SLC38A10: variants seen among roughly 807,000 people sequenced by gnomAD.
SLC38A10 encodes solute carrier family 38 member 10, also known as Sodium-coupled neutral amino acid transporter 10.
SLC38A10 carries 53 observed loss-of-function variants against 81.0 expected under a neutral mutation model. The observed-to-expected ratio is 0.65, with a 90% confidence interval of 0.53 to 0.82. SLC38A10 has a LOEUF of 0.82. Among genes scored for constraint, SLC38A10 ranks in the 40% least tolerant of loss-of-function variants. SLC38A10 has a pLI of 0.00. For missense variants in SLC38A10, 1,471 were observed against 1,545.0 expected, an observed-to-expected ratio of 0.95 and a Z score of 0.80; for synonymous variants, 665 against 655.3, an observed-to-expected ratio of 1.01 and a Z score of -0.23.
intron 14 of SLC38A10, chr17:81,251,081 A>G (rs2062906167): frequency 2.0e-6 from 3 of 1,478,752 alleles, no homozygotes; most frequent in Non-Finnish European, 2.7e-6. Context: ...CAGCCTTAAA[A>G]TAAACCTCCA....
At chr17:81,273,611 G>A (rs1474505558) in intron 8 of SLC38A10, among the ~76,000 whole-genome samples, 2 of 152,194 alleles carry the variant, frequency 1.3e-5, no homozygotes, top group African/African-American at 4.8e-5. Context: ...GGAAGACGGA[G>A]CCAGAAGTTC....
At chr17:81,282,154 C>G (rs1567945322) in intron 5 of SLC38A10, 35 bp downstream of exon 5, 6 of 1,609,422 alleles carry the variant, frequency 3.7e-6, no homozygotes, top group Non-Finnish European at 4.2e-6. Context: ...CAGGAGCAGC[C>G]TTTCAGCGGG....
chr17:81,251,302 G>A, intron 14 of SLC38A10, 191 bp downstream of exon 14: 2 of 1,612,964 alleles, frequency 1.2e-6, no homozygotes, highest in Non-Finnish European at 1.7e-6. Flanking sequence ...CAGATAAAAG[G>A]TTCCCAGAAA....
At chr17:81,257,672 G>A (rs1013102597) in intron 11 of SLC38A10, among the ~76,000 whole-genome samples, 5 of 152,326 alleles carry the variant, frequency 3.3e-5, no homozygotes, top group African/African-American at 4.8e-5. Flanking sequence ...CTCTGCCCCC[G>A]CACCAACACA....
At chr17:81,257,209 T>G (rs139923608) in intron 11 of SLC38A10, among the ~76,000 whole-genome samples, 1 of 152,098 alleles carries the variant, frequency 6.6e-6, no homozygotes, top group African/African-American at 2.4e-5. Flanking sequence ...AGCCCTGACC[T>G]TCCAGGCTCA....
chr17:81,283,363 C>A lies in SLC38A10; in HGVS notation c.357+46G>T. On this transcript the variant is annotated intron_variant, in intron 4 of 15. Coordinates refer to ENST00000374759, the MANE Select transcript of SLC38A10 (RefSeq NM_001037984.3). This position sits in a 1 kb window ranked among gnomAD's most constrained non-coding sequence, Gnocchi z 4.7. ...GAGGATCCCACAGAGGGCCTCAGAG[C>A]AGCCGTCAGCATCTGAACAACCCAG... The A allele has an allele frequency of 6.5e-7, 1 of 1,549,820 alleles. No homozygotes were observed. The highest frequency in any genetic ancestry group is 8.8e-7 in the Non-Finnish European group (1 of 1,130,844).
At chr17:81,263,660 T>C (rs1211296697) in intron 10 of SLC38A10, 1 of 152,350 alleles carries the variant, frequency 6.6e-6, no homozygotes, top group African/African-American at 2.4e-5. Flanking sequence ...ACAGTCCACA[T>C]GCCCAGGCTT....
chr17:81,245,637 G>C lies in SLC38A10; in HGVS notation c.3279C>G (p.Leu1093=). 1 of 1,612,304 alleles carries C rather than the reference G, an allele frequency of 6.2e-7. No homozygotes were observed. Residue 1093 remains leucine (L), a synonymous_variant, in exon 16 of 16, where the codon CTC becomes CTG. Transcript: ENST00000374759. ...GCAGAGCTCCCCCCGCAGCCTGGCG[G>C]AGCTGGGCATCCAGGGCGCCACGGA... ...NDLRGALDAQ[L]RQAAGGALQV... is the part of the protein sequence containing the mutation.
In SLC38A10 at chr17:81,245,346, G is replaced by A. The variant is rs1020653660; in HGVS notation, c.*210C>T. The A allele has an allele frequency of 4.9e-6, 3 of 612,962 alleles. No homozygotes were observed. Among genetic ancestry groups the A allele is most frequent in the Non-Finnish European group, 8.1e-6 (3 of 372,036 alleles). 38.0% of individuals were successfully genotyped at this position (612,962 alleles called of 1,614,324 possible). On this transcript the variant is annotated 3_prime_UTR_variant, in exon 16 of 16. Coordinates refer to ENST00000374759, the MANE Select transcript of SLC38A10 (RefSeq NM_001037984.3). ...TAGAGGTCAGAGGACCTCAGACTAA[G>A]AGCTGCAACAGAACGACAGCAAGAA...
Position 81,249,134 on chromosome 17 carries a change from C to T in SLC38A10, c.2066-2073G>A, listed in dbSNP as rs186561541. Among the ~76,000 whole-genome samples, 431 of 149,912 alleles carry T rather than the reference C, an allele frequency of 2.9e-3. 3 individuals are homozygous for T. Among genetic ancestry groups the T allele is most frequent in the Non-Finnish European group, 3.8e-3 (257 of 67,390 alleles). ...AGAGCAGGCACCATGGCCTCACTTG[C>T]TCCTCAAAGGACTAGCCCTGGGCCT... On this transcript the variant is annotated intron_variant, in intron 14 of 15. Coordinates refer to ENST00000374759, the MANE Select transcript of SLC38A10 (RefSeq NM_001037984.3).
chr17:81,259,593 C>T (rs932552967), intron 11 of SLC38A10, among the ~76,000 whole-genome samples: 12 of 152,156 alleles, frequency 7.9e-5, no homozygotes, highest in South Asian at 4.1e-4. Context: ...ACCCAGGCCA[C>T]GGAGCTGCGG....
intron 1 of SLC38A10, among the ~76,000 whole-genome samples, chr17:81,293,614 G>A (rs928677412): frequency 6.6e-6 from 1 of 152,074 alleles, no homozygotes; most frequent in Non-Finnish European, 1.5e-5. Flanking sequence ...TGAGACTACA[G>A]GTATGCACCA....
In SLC38A10 at chr17:81,270,323, T is replaced by C. The variant is rs2063103450; in HGVS notation, c.1131+595A>G. Among the ~76,000 whole-genome samples, 1 of 152,240 alleles carries C rather than the reference T, an allele frequency of 6.6e-6. No homozygotes were observed. Among genetic ancestry groups the C allele is most frequent in the Non-Finnish European group, 1.5e-5 (1 of 68,044 alleles). On this transcript the variant is annotated intron_variant, in intron 10 of 15. Transcript: ENST00000374759. This position sits in a 1 kb window ranked among gnomAD's most constrained non-coding sequence, Gnocchi z 4.0. ...TGAACACAGATATTCATCGCGATTCTGTCTGCAATAGCAAGACTGGAGAGG... is the reference window on the plus strand; with the variant it reads ...TGAACACAGATATTCATCGCGATTCCGTCTGCAATAGCAAGACTGGAGAGG...
Position 81,252,202 on chromosome 17 carries a change from G to A in SLC38A10, c.1938C>T (p.Ser646=), listed in dbSNP as rs762601651. 41 of 1,509,842 alleles carry A rather than the reference G, an allele frequency of 2.7e-5. No individual in the cohort carries two copies. The highest frequency in any genetic ancestry group is 1.2e-4 in the South Asian group (9 of 76,144). 93.5% of individuals were successfully genotyped at this position (1,509,842 alleles called of 1,614,324 possible). A position where few individuals can be genotyped will look rare whatever the true frequency, so the allele number is the denominator to read the frequency against. ...AGDTGQPAED[S]DHGGKPPLPA... is the part of the protein sequence containing the mutation. ...GCCCAGGCTGACACCCACCGTGGTC[G>A]CTGTCCTCTGCGGGCTGCCCTGTGT... The change falls in exon 13 of 16, where the codon AGC becomes AGT. Residue 646 remains serine (S), a synonymous_variant. Transcript: ENST00000374759.
rs945236627 is a variant in SLC38A10 at position 81,288,328 on chromosome 17, G to C, written c.217+1363C>G. Among the ~76,000 whole-genome samples, 1 of 152,338 alleles carries C rather than the reference G, an allele frequency of 6.6e-6. No homozygotes were observed. Among genetic ancestry groups the C allele is most frequent in the Admixed American group, 6.5e-5 (1 of 15,308 alleles). On this transcript the variant is annotated intron_variant, in intron 2 of 15. Transcript: ENST00000374759. The surrounding 1 kb of genome is among the most constrained non-coding windows in gnomAD (Gnocchi z 5.4). Reference sequence around the variant, plus strand: ...GCCGCGGGAGCTGTGAGCCCGGGGGGCAGGATGGCCTTCTGCAGGGAGGAC... The same window carrying C: ...GCCGCGGGAGCTGTGAGCCCGGGGGCCAGGATGGCCTTCTGCAGGGAGGAC...
At chr17:81,252,773 G>A in intron 12 of SLC38A10, 90 bp from the exon 13 acceptor site, 1 of 1,494,214 alleles carries the variant, frequency 6.7e-7, no homozygotes, top group Non-Finnish European at 8.8e-7. Flanking sequence ...CTGGGTTCTG[G>A]CTCCCAACAG....
At chr17:81,264,095 G>A (rs965223652) in intron 10 of SLC38A10, 1 of 152,360 alleles carries the variant, frequency 6.6e-6, no homozygotes, top group Non-Finnish European at 1.5e-5. Flanking sequence ...CACGGGACGT[G>A]TGACATAGAC....
intron 13 of SLC38A10, 125 bp from the exon 14 acceptor site, chr17:81,251,737 G>A (rs949719019): frequency 8.0e-5 from 82 of 1,031,096 alleles, no homozygotes; most frequent in African/African-American, 1.6e-4. Flanking sequence ...TGACACCCCC[G>A]TCAGCACAGT....
chr17:81,293,024 G>C (rs1269753932), intron 1 of SLC38A10, among the ~76,000 whole-genome samples: 1 of 152,180 alleles, frequency 6.6e-6, no homozygotes. Context: ...ATTAGCCGGC[G>C]TGGTGGCACA....
Sources: allele counts gnomAD v4.1 joint callset (sites outside exome capture counted in the v4.1 genomes callset), GRCh38; gene constraint gnomAD v4.1.1; non-coding constraint Gnocchi (gnomAD v3.1); transcripts MANE v1.5; gene names NCBI Gene and HGNC (gene_info 2026-07-23, HGNC 2026-07-21).